The following RAD51B variants were observed in gnomAD, a reference collection of about 807,000 sequenced individuals.
RAD51B encodes the protein RAD51 paralog B.
A neutral mutation model predicts 42.2 loss-of-function variants in RAD51B; 38 were observed. The ratio of observed to expected loss-of-function variants is 0.90; its 90% CI spans 0.70 to 1.18. RAD51B has a LOEUF of 1.18. RAD51B is among the 50% of genes most tolerant of loss of function. The pLI is 0.00. For missense variants in RAD51B, 373 were observed against 400.7 expected (o/e 0.93, Z 0.59); for synonymous variants, 154 against 145.2 (o/e 1.06, Z -0.43).
At position 67,978,326 on chromosome 14, in the gene RAD51B, T is replaced by C. The variant is rs577559192; in HGVS notation, c.756+91122T>C. 6.2e-4 allele frequency among the ~76,000 whole-genome samples: 94 copies of C among 152,318 alleles called. No individual in the cohort carries two copies. The South Asian group carries it at 8.5e-3, about 14-fold the overall frequency. ...TCTTGATTCTTACCTTTTATCCTTA[T>C]AGTTAATGACTTATAAATATATTTC... On this transcript the variant is annotated intron_variant, in intron 7 of 10. Coordinates refer to ENST00000471583, the MANE Select transcript of RAD51B (RefSeq NM_133510.4).
chr14:68,096,658 C>T (rs949731383), intron 7 of RAD51B, among the ~76,000 whole-genome samples: 2 of 152,186 alleles, frequency 1.3e-5, no homozygotes, highest in Non-Finnish European at 2.9e-5. Flanking sequence ...CTTCTCAGAT[C>T]TCAAGGTCAG....
chr14:68,563,768 G>A (rs1889275346), intron 10 of RAD51B: 1 of 985,208 alleles, frequency 1.0e-6, no homozygotes, highest in Non-Finnish European at 1.2e-6. Context: ...TAAACTCTGA[G>A]GCGTAACCTG....
chr14:68,030,340 G>A (rs1595285929), intron 7 of RAD51B, among the ~76,000 whole-genome samples: 1 of 152,206 alleles, frequency 6.6e-6, no homozygotes, highest in East Asian at 1.9e-4. Flanking sequence ...CTGTTGTTTA[G>A]TGTAGCCACC....
chr14:68,142,229 G>A (rs914509856), intron 7 of RAD51B, among the ~76,000 whole-genome samples: 1 of 152,084 alleles, frequency 6.6e-6, no homozygotes, highest in African/African-American at 2.4e-5. Context: ...TTTGAGGAAA[G>A]AAGATAGATT....
intron 7 of RAD51B, among the ~76,000 whole-genome samples, chr14:67,887,943 G>T (rs1275255667): frequency 6.6e-6 from 1 of 152,098 alleles, no homozygotes; most frequent in Non-Finnish European, 1.5e-5. Flanking sequence ...CAACATTCAG[G>T]CTTCTCAATT....
intron 7 of RAD51B, among the ~76,000 whole-genome samples, chr14:68,137,653 A>AT (rs2140709502): frequency 6.6e-6 from 1 of 152,288 alleles, no homozygotes; most frequent in South Asian, 2.1e-4. Context: ...GTTCAATTTT[A>AT]TTCATTGGGG....
At chr14:68,648,674 AACACAC>A (rs35200852) in intron 10 of RAD51B, among the ~76,000 whole-genome samples, 12,818 of 143,404 alleles carry the variant, frequency 0.089, 660 homozygotes, top group African/African-American at 0.14. Context: ...AAAGCACACA[AACACAC>A]ACACACACAC....
rs566469583 is a variant in RAD51B at position 68,395,929 on chromosome 14, C to T, written c.854-15495C>T. ...CTATTACTTGGTTTCACAAGCAAGA[C>T]GAGTCCGTGGTAATGTCATGAAAAC... On this transcript the variant is annotated intron_variant, in intron 8 of 10. Transcript: ENST00000471583. Among the ~76,000 whole-genome samples, 29 of 152,300 alleles carry T rather than the reference C, an allele frequency of 1.9e-4. No homozygotes were observed. The South Asian group carries it at 3.3e-3, about 17-fold the overall frequency.
chr14:68,681,461 T>A (rs534547619), intron 11 of RAD51B, among the ~76,000 whole-genome samples: 2 of 152,336 alleles, frequency 1.3e-5, no homozygotes, highest in East Asian at 3.9e-4. Context: ...GTGGCTAAAC[T>A]GTGCGTCCAG....
At chr14:68,056,956 G>A (rs1354025064) in intron 7 of RAD51B, among the ~76,000 whole-genome samples, 1 of 151,728 alleles carries the variant, frequency 6.6e-6, no homozygotes, top group African/African-American at 2.4e-5. Flanking sequence ...CACCATGGTA[G>A]CAGATGCCTA....
rs2075038920 is a variant in RAD51B, at chr14:67,978,721, A to G, written c.756+91517A>G. On this transcript the variant is annotated intron_variant, in intron 7 of 10. Coordinates refer to ENST00000471583, the MANE Select transcript of RAD51B (RefSeq NM_133510.4). ...CTGTTGCCCCTACTTTAATATTTCT[A>G]AAAGGAGTTTAAAATAAAAATGAAA... is the stretch of plus-strand genomic sequence containing the variant. Among the ~76,000 whole-genome samples, 8 of 152,190 alleles carry G rather than the reference A, an allele frequency of 5.3e-5. No individual in the cohort carries two copies. In the South Asian group the frequency reaches 1.7e-3, roughly 31 times the overall value.
chr14:68,581,874 C>A (rs1344484081), intron 10 of RAD51B, among the ~76,000 whole-genome samples: 1 of 152,098 alleles, frequency 6.6e-6, no homozygotes, highest in Non-Finnish European at 1.5e-5. Flanking sequence ...ACCATCTGAT[C>A]TTTGACAAAC....
chr14:68,476,445 G>A (rs964362334), intron 10 of RAD51B, among the ~76,000 whole-genome samples: 1 of 152,212 alleles, frequency 6.6e-6, no homozygotes, highest in Admixed American at 6.5e-5. Context: ...TAAAGGCAAC[G>A]TTGAGAGTCA....
chr14:68,467,125 T>C (rs2086005807), intron 9 of RAD51B, among the ~76,000 whole-genome samples: 1 of 152,226 alleles, frequency 6.6e-6, no homozygotes, highest in South Asian at 2.1e-4. Context: ...TGATAATTAA[T>C]CTTCTTCAGT....
At chr14:68,287,442 G>A (rs1311766519) in intron 7 of RAD51B, among the ~76,000 whole-genome samples, 2 of 152,144 alleles carry the variant, frequency 1.3e-5, no homozygotes, top group East Asian at 3.8e-4. Context: ...CTTCTAATAG[G>A]TGGATGGTAT....
At chr14:68,289,822 A>G (rs994346655) in intron 7 of RAD51B, among the ~76,000 whole-genome samples, 1 of 152,236 alleles carries the variant, frequency 6.6e-6, no homozygotes, top group Non-Finnish European at 1.5e-5. Flanking sequence ...AATTGAAGAC[A>G]TATCTTAGGT....
intron 7 of RAD51B, among the ~76,000 whole-genome samples, chr14:67,927,630 C>G (rs1414164899): frequency 6.6e-6 from 1 of 151,924 alleles, no homozygotes; most frequent in Non-Finnish European, 1.5e-5. Context: ...AACATAATGA[C>G]GTCCAATTCC....
chr14:67,963,488 A>G (rs1158656788), intron 7 of RAD51B, among the ~76,000 whole-genome samples: 1 of 152,170 alleles, frequency 6.6e-6, no homozygotes, highest in African/African-American at 2.4e-5. Context: ...GCTCTGAAAA[A>G]TGAATAAATA....
intron 7 of RAD51B, among the ~76,000 whole-genome samples, chr14:68,079,119 C>G (rs758274947): frequency 2.0e-5 from 3 of 152,172 alleles, no homozygotes; most frequent in Admixed American, 6.5e-5. Flanking sequence ...TAGAACCATA[C>G]TAACTTTGCC....
Sources: allele counts gnomAD v4.1 joint callset (sites outside exome capture counted in the v4.1 genomes callset), GRCh38; gene constraint gnomAD v4.1.1; transcripts MANE v1.5; gene names NCBI Gene and HGNC (gene_info 2026-07-23, HGNC 2026-07-21).